Variants in COL23A1 observed in about 807,000 individuals in gnomAD.
COL23A1 encodes collagen type XXIII alpha 1 chain, also known as collagen alpha-1(XXIII) chain.
Under a neutral mutation model 99.3 loss-of-function variants are expected in COL23A1, and 97 were observed. The ratio of observed to expected loss-of-function variants is 0.98; its 90% confidence interval spans 0.83 to 1.16. The LOEUF (loss-of-function observed/expected upper bound fraction) is 1.16. Among genes scored for constraint, COL23A1 ranks in the 50% most tolerant of loss-of-function variants. The pLI is 0.00. For synonymous variants in COL23A1, 320 were observed against 308.2 expected, an observed-to-expected ratio of 1.04 and a Z score of -0.40; for missense variants, 762 against 757.4, an observed-to-expected ratio of 1.01 and a Z score of -0.07.
chr5:178,551,406 T>G (rs1186041036), intron 2 of COL23A1, among the ~76,000 whole-genome samples: 1 of 152,064 alleles, frequency 6.6e-6, no homozygotes, highest in East Asian at 1.9e-4. Context: ...TCTAATTATT[T>G]TTTTCCTTTC....
Position 178,589,892 on chromosome 5 carries a change from C to G in COL23A1, c.294+12G>C, listed in dbSNP as rs1266012222. The stretch of plus-strand genomic sequence containing the variant: ...ACCCAAGTCCGCCCCAGCCACGCGC[C>G]AAGACGCTCACCTCCCGCAGCAGGC... On this transcript the variant is annotated intron_variant, in intron 1 of 28. Coordinates refer to ENST00000390654, the MANE Select transcript of COL23A1 (RefSeq NM_173465.4). This position sits in a 1 kb window ranked among gnomAD's most constrained non-coding sequence, Gnocchi z 5.4. 3.1e-6 allele frequency: 4 copies of G among 1,306,976 alleles called. No homozygotes were observed. Among genetic ancestry groups the G allele is most frequent in the Non-Finnish European group, 3.9e-6 (4 of 1,033,564 alleles). 81.0% of individuals were successfully genotyped at this position (1,306,976 alleles called of 1,614,324 possible). A position where few individuals can be genotyped will look rare whatever the true frequency, so the allele number is the denominator to read the frequency against.
At chr5:178,568,745 T>C (rs187835863) in intron 1 of COL23A1, among the ~76,000 whole-genome samples, 1 of 152,366 alleles carries the variant, frequency 6.6e-6, no homozygotes, top group East Asian at 1.9e-4. Context: ...TTGAGACTCA[T>C]GCACATTGGC....
chr5:178,389,553 G>A (rs555351821), intron 2 of COL23A1, among the ~76,000 whole-genome samples: 3 of 152,328 alleles, frequency 2.0e-5, no homozygotes, highest in African/African-American at 7.2e-5. Context: ...GGTGCCCACT[G>A]ACACTAATTC....
chr5:178,243,139 G>T (rs1204068822), intron 25 of COL23A1, among the ~76,000 whole-genome samples: 1 of 151,552 alleles, frequency 6.6e-6, no homozygotes, highest in Non-Finnish European at 1.5e-5. Context: ...GCAGTGAGCC[G>T]AGATCGCACC....
Position 178,242,359 on chromosome 5 carries a change from C to G in COL23A1, c.1476G>C (p.Arg492=), listed in dbSNP as rs1764450264. Residue 492 remains arginine, a synonymous_variant, in exon 26 of 29, where the codon CGG becomes CGC. Transcript: ENST00000390654. ...FPGPRGEKGD[R]SERGEKGERG... ...CCCTCACCTTCTCTCCACGCTCGCT[C>G]CGATCACCTTTCTCTCCTCGGGGTC... is the stretch of plus-strand genomic sequence containing the variant. 1 of 1,614,134 alleles carries G rather than the reference C, an allele frequency of 6.2e-7. No individual in the cohort carries two copies. Among genetic ancestry groups the G allele is most frequent in the Non-Finnish European group, 8.5e-7 (1 of 1,179,990 alleles).
intron 2 of COL23A1, 129 bp downstream of exon 2, chr5:178,560,553 G>A (rs1581638982): frequency 1.4e-6 from 1 of 726,314 alleles, no homozygotes; most frequent in Non-Finnish European, 2.2e-6. Context: ...GGAAAGAAAG[G>A]CCCCAGGCCA....
intron 2 of COL23A1, among the ~76,000 whole-genome samples, chr5:178,372,938 T>C (rs6149371): frequency 1.7e-5 from 1 of 59,588 alleles, no homozygotes; most frequent in Admixed American, 2.1e-4. Flanking sequence ...TTCTTTTTTT[T>C]TTTTTTTTTG....
chr5:178,513,096 A>G (rs1759301624), intron 2 of COL23A1, among the ~76,000 whole-genome samples: 1 of 152,182 alleles, frequency 6.6e-6, no homozygotes. Flanking sequence ...GATGGAGAGG[A>G]GGAAGGCTGG....
At chr5:178,472,380 G>A (rs993557401) in intron 2 of COL23A1, among the ~76,000 whole-genome samples, 1 of 152,120 alleles carries the variant, frequency 6.6e-6, no homozygotes, top group African/African-American at 2.4e-5. Flanking sequence ...ATAAGGGTGT[G>A]GGGCGCACCT....
intron 25 of COL23A1, among the ~76,000 whole-genome samples, chr5:178,244,221 C>T (rs1443258504): frequency 6.6e-6 from 1 of 151,726 alleles, no homozygotes; most frequent in Non-Finnish European, 1.5e-5. Flanking sequence ...TATCTCTTGA[C>T]CTCGTGATCC....
intron 2 of COL23A1, among the ~76,000 whole-genome samples, chr5:178,394,335 C>A (rs892174876): frequency 6.6e-6 from 1 of 152,206 alleles, no homozygotes; most frequent in Non-Finnish European, 1.5e-5. Context: ...ACCCTGAGCC[C>A]TCAACTCGGA....
chr5:178,553,995 T>C (rs1762141113), intron 2 of COL23A1, among the ~76,000 whole-genome samples: 1 of 152,084 alleles, frequency 6.6e-6, no homozygotes, highest in African/African-American at 2.4e-5. Context: ...AACCATCCCA[T>C]GACACAGCTA....
chr5:178,303,794 C>T (rs1758197873), intron 3 of COL23A1, among the ~76,000 whole-genome samples: 1 of 152,180 alleles, frequency 6.6e-6, no homozygotes, highest in Admixed American at 6.5e-5. Flanking sequence ...CCTAACCTGC[C>T]CTGAGGAGCC....
intron 7 of COL23A1, among the ~76,000 whole-genome samples, chr5:178,268,429 CT>C (rs1756031804): frequency 6.6e-6 from 1 of 152,214 alleles, no homozygotes; most frequent in South Asian, 2.1e-4. Flanking sequence ...TGGCACCCCC[CT>C]TCACCATGAA....
chr5:178,575,761 G>C (rs567416857), intron 1 of COL23A1, among the ~76,000 whole-genome samples: 30 of 152,368 alleles, frequency 2.0e-4, no homozygotes, highest in African/African-American at 7.2e-4. Flanking sequence ...AAGGCAAGAA[G>C]AGTGCATGAG....
At chr5:178,394,668 G>C (rs556101028) in intron 2 of COL23A1, among the ~76,000 whole-genome samples, 7 of 152,176 alleles carry the variant, frequency 4.6e-5, no homozygotes, top group African/African-American at 1.7e-4. Flanking sequence ...ACCCTGACAC[G>C]CAGAGGGGAC....
intron 1 of COL23A1, among the ~76,000 whole-genome samples, chr5:178,563,001 A>G (rs1762679443): frequency 6.6e-6 from 1 of 152,184 alleles, no homozygotes; most frequent in African/African-American, 2.4e-5. Context: ...TCTTGTAAGA[A>G]AAGTTCTCCA....
chr5:178,569,398 C>T lies in COL23A1; in HGVS notation c.295-8650G>A, dbSNP rs547605914. ...AGACGCAATATGAGCGTGTTAACAT[C>T]ATCTTGAACGTTGGTGGAAGTTTTC... On this transcript the variant is annotated intron_variant, in intron 1 of 28. Coordinates refer to ENST00000390654, the MANE Select transcript of COL23A1 (RefSeq NM_173465.4). 9.8e-5 allele frequency among the ~76,000 whole-genome samples: 15 copies of T among 152,326 alleles called. 1 individual carries two copies. Among genetic ancestry groups the T allele is most frequent in the Middle Eastern group, 6.8e-3 (2 of 294 alleles).
intron 2 of COL23A1, among the ~76,000 whole-genome samples, chr5:178,467,935 C>T (rs1371896359): frequency 6.6e-6 from 1 of 152,160 alleles, no homozygotes; most frequent in Non-Finnish European, 1.5e-5. Context: ...GCTGCAGAGG[C>T]GTTAGCGACA....
Sources: allele counts gnomAD v4.1 joint callset (sites outside exome capture counted in the v4.1 genomes callset), GRCh38; gene constraint gnomAD v4.1.1; non-coding constraint Gnocchi (gnomAD v3.1); transcripts MANE v1.5; gene names NCBI Gene and HGNC (gene_info 2026-07-23, HGNC 2026-07-21).